Variants in PCDHA11 observed in about 807,000 individuals in gnomAD.
PCDHA11 encodes the protein protocadherin alpha 11, also known as protocadherin alpha-11.
A neutral mutation model predicts 70.3 loss-of-function variants in PCDHA11; 61 were observed. The ratio of observed to expected loss-of-function variants is 0.87; its 90% CI spans 0.71 to 1.07. The LOEUF (loss-of-function observed/expected upper bound fraction) is 1.07, where lower values mean the gene tolerates loss of function less well. Ranked by LOEUF, PCDHA11 falls within the 50% of genes least tolerant of loss-of-function variation. PCDHA11 has a pLI of 0.00. For missense variants in PCDHA11, 1,324 were observed against 1,237.5 expected, an observed-to-expected ratio of 1.07 and a Z score of -1.05; for synonymous variants, 633 against 555.1, an observed-to-expected ratio of 1.14 and a Z score of -1.97.
In PCDHA11 at chr5:140,894,570, T is replaced by G. The variant is rs558111947; in HGVS notation, c.2391+23076T>G. ...TTTACTTCTGAAAAAATTATTTTCC[T>G]TTTTTTTAATATTTTACTGAGTTTT... On this transcript the variant is annotated intron_variant, in intron 1 of 3. Coordinates refer to ENST00000398640, the MANE Select transcript of PCDHA11 (RefSeq NM_018902.5). Among the ~76,000 whole-genome samples the G allele has an allele frequency of 1.5e-4, 23 of 151,856 alleles. No individual in the cohort carries two copies. The South Asian group carries it at 4.4e-3, about 29-fold the overall frequency.
intron 1 of PCDHA11, chr5:140,928,982 G>T: frequency 6.2e-7 from 1 of 1,613,824 alleles, no homozygotes; most frequent in Non-Finnish European, 8.5e-7. Flanking sequence ...TTATTTCTGG[G>T]GTGCTTACTT....
At chr5:140,977,815 G>C (rs2096776039) in intron 1 of PCDHA11, among the ~76,000 whole-genome samples, 1 of 152,208 alleles carries the variant, frequency 6.6e-6, no homozygotes, top group Non-Finnish European at 1.5e-5. Context: ...ATTATTGACA[G>C]TTTTGAATGG....
Position 140,869,945 on chromosome 5 carries a change from T to TC in PCDHA11, c.842_843insC (p.Leu281PhefsTer5). 6.2e-7 allele frequency: 1 copy of TC among 1,612,376 alleles called. No homozygotes were observed. ...GTCAATGGAGAGGTAACATACTCCT[T>TC]AATGTCAATTAAGCCCAATGGAAGA... On this transcript the variant is annotated frameshift_variant, in exon 1 of 4. Transcript: ENST00000398640. LOFTEE classifies it high-confidence loss of function.
chr5:140,929,179 G>T (rs782673786), intron 1 of PCDHA11: 5 of 1,614,104 alleles, frequency 3.1e-6, no homozygotes, highest in Non-Finnish European at 4.2e-6. Context: ...TCTGGGACTT[G>T]GTTCTGATAA....
At position 141,010,397 on chromosome 5, in the gene PCDHA11, A is replaced by C; in HGVS notation, c.*460A>C. On this transcript the variant is annotated 3_prime_UTR_variant, in exon 4 of 4. Coordinates refer to ENST00000398640, the MANE Select transcript of PCDHA11 (RefSeq NM_018902.5). ...TGCCAGATATTGGCTGAGACGAGCC[A>C]GCTTAGACTAATTGGTACAAGGAAG... 7.5e-7 allele frequency: 1 copy of C among 1,329,462 alleles called. No individual in the cohort carries two copies. The highest frequency in any genetic ancestry group is 1.0e-6 in the Non-Finnish European group (1 of 994,158). The allele number at this position is 1,329,462 out of a possible 1,614,324, so 82.4% of individuals were successfully genotyped here.
chr5:140,938,439 A>C (rs2092064072), intron 1 of PCDHA11, among the ~76,000 whole-genome samples: 1 of 152,208 alleles, frequency 6.6e-6, no homozygotes, highest in African/African-American at 2.4e-5. Flanking sequence ...TATCAGATTT[A>C]TTAAGTTCCC....
rs189226531 is a variant in PCDHA11, at chr5:140,874,455, T to C, written c.2391+2961T>C. 5.3e-5 allele frequency among the ~76,000 whole-genome samples: 8 copies of C among 152,332 alleles called. No homozygotes were observed. The East Asian group carries it at 1.5e-3, about 29-fold the overall frequency. On this transcript the variant is annotated intron_variant, in intron 1 of 3. Coordinates refer to ENST00000398640, the MANE Select transcript of PCDHA11 (RefSeq NM_018902.5). ...CATGTCCTAACTACTAAATGACCTG[T>C]AGGGGAAGATTTAGAGAAAAAGCAA...
intron 1 of PCDHA11, among the ~76,000 whole-genome samples, chr5:140,960,972 T>C (rs936519951): frequency 6.6e-6 from 1 of 152,188 alleles, no homozygotes; most frequent in South Asian, 2.1e-4. Flanking sequence ...GCAGTTGCAA[T>C]TCTTGTTCCA....
intron 1 of PCDHA11, chr5:140,877,704 C>A: frequency 6.2e-7 from 1 of 1,613,954 alleles, no homozygotes; most frequent in Non-Finnish European, 8.5e-7. Context: ...GCTCCAGCGC[C>A]GTGGGGAGTT....
chr5:140,950,959 T>C (rs969091651), intron 1 of PCDHA11, among the ~76,000 whole-genome samples: 5 of 152,120 alleles, frequency 3.3e-5, no homozygotes, highest in Non-Finnish European at 5.9e-5. Context: ...TCTATTGATC[T>C]ATTTTCAGAT....
At chr5:141,007,422 G>A (rs190866782) in intron 3 of PCDHA11, among the ~76,000 whole-genome samples, 22 of 143,640 alleles carry the variant, frequency 1.5e-4, no homozygotes, top group African/African-American at 4.9e-4. Context: ...AAAAAAATTA[G>A]CCAGGCATGG....
intron 1 of PCDHA11, chr5:140,928,243 G>A: frequency 6.2e-7 from 1 of 1,614,202 alleles, no homozygotes; most frequent in South Asian, 1.1e-5. Flanking sequence ...ACCCCAGCAG[G>A]AACTTTTCGT....
intron 1 of PCDHA11, chr5:140,967,201 A>T: frequency 6.2e-7 from 1 of 1,613,620 alleles, no homozygotes; most frequent in Non-Finnish European, 8.5e-7. Flanking sequence ...ACGACAACTC[A>T]CCGCGTTTCC....
chr5:140,895,561 T>C (rs1011627715), intron 1 of PCDHA11, among the ~76,000 whole-genome samples: 2 of 152,240 alleles, frequency 1.3e-5, no homozygotes, highest in Non-Finnish European at 2.9e-5. Flanking sequence ...TCTTTATATA[T>C]TCTAGATGCA....
intron 1 of PCDHA11, among the ~76,000 whole-genome samples, chr5:140,953,593 G>T (rs1392522676): frequency 6.6e-6 from 1 of 152,026 alleles, no homozygotes; most frequent in African/African-American, 2.4e-5. Context: ...GCCTCCTTTT[G>T]TTTATTCCCC....
In PCDHA11 at chr5:140,869,650, C is replaced by G; in HGVS notation, c.547C>G (p.Pro183Ala). ...AAATGAGTATTTTTCTTTAGATTCA[C>G]CAACAAATGGTAAGCAGATTAAAAG... Reference protein sequence around the residue: ...SKNEYFSLDSPTNGKQIKRLS... With the variant: ...SKNEYFSLDSATNGKQIKRLS... The change falls in exon 1 of 4, where the codon CCA becomes GCA. Residue 183 changes from proline (P) to alanine (A), a missense_variant. Coordinates refer to ENST00000398640, the MANE Select transcript of PCDHA11 (RefSeq NM_018902.5). The G allele has an allele frequency of 6.2e-7, 1 of 1,613,504 alleles. No homozygotes were observed. The highest frequency in any genetic ancestry group is 8.5e-7 in the Non-Finnish European group (1 of 1,179,856).
intron 1 of PCDHA11, among the ~76,000 whole-genome samples, chr5:140,915,722 A>G (rs559518429): frequency 1.3e-5 from 2 of 151,088 alleles, no homozygotes; most frequent in South Asian, 4.2e-4. Flanking sequence ...CCCACTTTGG[A>G]TTGTGCTGGG....
At chr5:140,981,583 T>TA (rs2096939530) in intron 2 of PCDHA11, among the ~76,000 whole-genome samples, 1 of 152,098 alleles carries the variant, frequency 6.6e-6, no homozygotes, top group Non-Finnish European at 1.5e-5. Flanking sequence ...CAAAAATAAA[T>TA]AAAATAAAAC....
At chr5:140,900,559 G>A (rs542075943) in intron 1 of PCDHA11, among the ~76,000 whole-genome samples, 2 of 152,314 alleles carry the variant, frequency 1.3e-5, no homozygotes, top group African/African-American at 2.4e-5. Context: ...TTACAGGCGT[G>A]AGCCACGGCA....
Sources: gnomAD v4.1 joint callset for allele counts (sites outside exome capture counted in the v4.1 genomes callset) on GRCh38, gnomAD v4.1.1 for gene constraint, MANE v1.5 for transcripts, NCBI Gene and HGNC (gene_info 2026-07-23, HGNC 2026-07-21) for gene names.